The following SPAG8 variants were observed in gnomAD, a reference collection of about 807,000 sequenced individuals.
The protein encoded by SPAG8 is sperm associated antigen 8.
SPAG8 carries 36 observed loss-of-function variants against 45.3 expected under a neutral mutation model. The observed-to-expected ratio is 0.80, with a 90% CI of 0.61 to 1.05. SPAG8 has a LOEUF of 1.05. Among genes scored for constraint, SPAG8 ranks in the 50% least tolerant of loss-of-function variants. The pLI, the probability that SPAG8 is intolerant of heterozygous loss-of-function variation, is 0.00. For synonymous variants in SPAG8, 227 were observed against 232.6 expected (o/e 0.98, Z 0.22); for missense variants, 573 against 609.2 (o/e 0.94, Z 0.63).
chr9:35,809,001 T>C (rs952440700), downstream of SPAG8: 24 of 936,310 alleles, frequency 2.6e-5, no homozygotes, highest in South Asian at 1.4e-4. The surrounding 1 kb of genome is among the most constrained non-coding windows in gnomAD (Gnocchi z 4.1). Context: ...TAGATATGCA[T>C]TGGGAGGTTG....
In SPAG8 at chr9:35,810,328, A is replaced by G. The variant is rs1469630585; in HGVS notation, c.1201-19T>C. The G allele has an allele frequency of 6.2e-6, 10 of 1,613,608 alleles. No individual in the cohort carries two copies. Among genetic ancestry groups the G allele is most frequent in the Non-Finnish European group, 6.8e-6 (8 of 1,179,736 alleles). On this transcript the variant is annotated intron_variant, in intron 5 of 6. Coordinates refer to ENST00000396638, the MANE Select transcript of SPAG8 (RefSeq NM_001039592.2). ...CGTGAGGCTGTGAGGGAGGGTACTG[A>G]GTAACTCCTGGCCTTCAGCCCTCTC...
At position 35,810,534 on chromosome 9, in the gene SPAG8, G is replaced by A. The variant is rs888741357; in HGVS notation, c.1105C>T (p.Gln369Ter). 3 of 1,614,186 alleles carry A rather than the reference G, an allele frequency of 1.9e-6. No individual in the cohort carries two copies. Among genetic ancestry groups the A allele is most frequent in the Non-Finnish European group, 2.5e-6 (3 of 1,180,032 alleles). The change falls in exon 5 of 7, where the codon CAG becomes TAG. Residue 369 changes from glutamine (Q) to a stop codon, truncating the protein, a stop_gained. Coordinates refer to ENST00000396638, the MANE Select transcript of SPAG8 (RefSeq NM_001039592.2). LOFTEE classifies it high-confidence loss of function. ...HQICKEVQAE[Q>*]EPTRKLFEVE... ...TCGAAGAGCTTCCTTGTGGGTTCCT[G>A]TTCTGCCTGCACCTCTTTACTATGT...
Position 35,811,951 on chromosome 9 carries a change from G to A in SPAG8, c.95C>T (p.Pro32Leu), listed in dbSNP as rs778869383. 1.5e-5 allele frequency: 24 copies of A among 1,600,078 alleles called. No homozygotes were observed. Among genetic ancestry groups the A allele is most frequent in the Non-Finnish European group, 2.1e-5 (24 of 1,170,184 alleles). ...GGGACTGTCATCTGAAGAAGGAAAC[G>A]GTTCCGAAGTGGGCCCCAGTCCTTC... ...SSEGLGPTSE[P>L]FPSSDDSPRS... Residue 32 changes from proline (P) to leucine (L), a missense_variant, in exon 2 of 7, where the codon CCG (proline) becomes CTG (leucine). By Grantham distance (98) the Pro-to-Leu change is moderately conservative. Coordinates refer to ENST00000396638, the MANE Select transcript of SPAG8 (RefSeq NM_001039592.2).
downstream of SPAG8, chr9:35,808,479 AG>A (rs1828545288): frequency 1.9e-6 from 3 of 1,610,696 alleles, no homozygotes; most frequent in Admixed American, 3.3e-5. This position sits in a 1 kb window ranked among gnomAD's most constrained non-coding sequence, Gnocchi z 4.0. Flanking sequence ...ATATAAATAG[AG>A]GTGACCTTTT....
chr9:35,810,953 T>A lies in SPAG8; in HGVS notation c.969A>T (p.Ser323=), dbSNP rs1291857022. ...TCTGGGTGGTGCTGGAGGGCATGGG[T>A]GACTTTAGTTGCATAGTCAGCAGTC... ...HRGLLTMQLK[S]PMPSSTTQKD... is the part of the protein sequence containing the mutation. The change falls in exon 3 of 7, where the codon TCA becomes TCT. Residue 323 remains serine (S), a synonymous_variant. Coordinates refer to ENST00000396638, the MANE Select transcript of SPAG8 (RefSeq NM_001039592.2). 6.2e-7 allele frequency: 1 copy of A among 1,613,898 alleles called. No homozygotes were observed. The highest frequency in any genetic ancestry group is 1.3e-5 in the African/African-American group (1 of 74,860).
intron 2 of SPAG8, 39 bp downstream of exon 2, chr9:35,811,143 C>A: frequency 6.4e-7 from 1 of 1,557,302 alleles, no homozygotes. Flanking sequence ...AAACTGAGGG[C>A]AGCCTTCAAG....
chr9:35,809,602 C>A, downstream of SPAG8: 1 of 1,269,852 alleles, frequency 7.9e-7, no homozygotes, highest in Non-Finnish European at 1.1e-6. The surrounding 1 kb of genome is among the most constrained non-coding windows in gnomAD (Gnocchi z 4.1). Flanking sequence ...CCCTCTGCAG[C>A]TCAGCCCTGT....
chr9:35,810,386 C>T, intron 5 of SPAG8, 53 bp downstream of exon 5: 1 of 1,609,386 alleles, frequency 6.2e-7, no homozygotes. Context: ...TTGGCCACAG[C>T]CTGTCAGAGC....
In SPAG8 at chr9:35,811,793, C is replaced by G; in HGVS notation, c.253G>C (p.Glu85Gln). The G allele has an allele frequency of 6.2e-7, 1 of 1,614,140 alleles. No individual in the cohort carries two copies. Among genetic ancestry groups the G allele is most frequent in the East Asian group, 2.2e-5 (1 of 44,880 alleles). ...KTPAPCSEFMEPSSDPSLLGE... is the reference protein window; with the variant it reads ...KTPAPCSEFMQPSSDPSLLGE... Reference sequence around the variant, plus strand: ...AGAAGGCTGGGGTCAGAGGACGGCTCCATGAACTCAGAACAGGGCGCTGGG... The same window carrying G: ...AGAAGGCTGGGGTCAGAGGACGGCTGCATGAACTCAGAACAGGGCGCTGGG... The change falls in exon 2 of 7, where the codon GAG becomes CAG. Residue 85 changes from glutamate to glutamine, a missense_variant. By Grantham distance (29) the Glu-to-Gln change is conservative (BLOSUM62 2). Coordinates refer to ENST00000396638, the MANE Select transcript of SPAG8 (RefSeq NM_001039592.2).
rs1342946028 is a variant in SPAG8, at chr9:35,811,710, G to C, written c.336C>G (p.Gly112=). 1 of 1,614,246 alleles carries C rather than the reference G, an allele frequency of 6.2e-7. No individual in the cohort carries two copies. Among genetic ancestry groups the C allele is most frequent in the Non-Finnish European group, 8.5e-7 (1 of 1,180,040 alleles). The change falls in exon 2 of 7, where the codon GGC becomes GGG. Residue 112 remains glycine, a synonymous_variant. Coordinates refer to ENST00000396638, the MANE Select transcript of SPAG8 (RefSeq NM_001039592.2). ...TACAGGAAACATAGACGGGCTCAAA[G>C]CCAAGACTCCCATGGGCTATATTGT... The part of the protein sequence containing the change: ...FTHNIAHGSL[G]FEPVYVSCIA...
At position 35,810,926 on chromosome 9, in the gene SPAG8, T is replaced by C; in HGVS notation, c.996A>G (p.Lys332=). The stretch of plus-strand genomic sequence containing the variant: ...CGTTTCCTGGTGGCTGGTACGAGTC[T>C]TTCTGGGTGGTGCTGGAGGGCATGG... ...KSPMPSSTTQ[K]DSYQPPGNVY... Residue 332 remains lysine, a synonymous_variant, in exon 3 of 7, where the codon AAA becomes AAG. Coordinates refer to ENST00000396638, the MANE Select transcript of SPAG8 (RefSeq NM_001039592.2). 1 of 1,614,040 alleles carries C rather than the reference T, an allele frequency of 6.2e-7. No homozygotes were observed. The highest frequency in any genetic ancestry group is 8.5e-7 in the Non-Finnish European group (1 of 1,179,996).
At chr9:35,808,969 C>A, downstream of SPAG8, 1 of 936,870 alleles carries the variant, frequency 1.1e-6, no homozygotes, top group Non-Finnish European at 1.8e-6. The surrounding 1 kb of genome is among the most constrained non-coding windows in gnomAD (Gnocchi z 4.0). Flanking sequence ...GTGTCGCATC[C>A]TCGGGCATAT....
chr9:35,809,322 G>A, downstream of SPAG8: 2 of 1,611,068 alleles, frequency 1.2e-6, no homozygotes, highest in African/African-American at 1.3e-5. This position sits in a 1 kb window ranked among gnomAD's most constrained non-coding sequence, Gnocchi z 4.1. Context: ...GGGAAAGAGA[G>A]GGAGACAAAG....
chr9:35,808,295 A>G, downstream of SPAG8: 1 of 1,608,774 alleles, frequency 6.2e-7, no homozygotes, highest in South Asian at 1.1e-5. This position sits in a 1 kb window ranked among gnomAD's most constrained non-coding sequence, Gnocchi z 4.0. Flanking sequence ...TTTACTGAGT[A>G]TTCACCAGGT....
In SPAG8 at chr9:35,809,955, T is replaced by A. The variant is rs772546842; in HGVS notation, c.1441A>T (p.Arg481Ter). Residue 481 changes from arginine to a stop codon, truncating the protein, a stop_gained, in exon 7 of 7, where the codon AGA becomes TGA. Transcript: ENST00000396638. LOFTEE classifies it high-confidence loss of function. The surrounding 1 kb of genome is among the most constrained non-coding windows in gnomAD (Gnocchi z 4.1). ...PGGRLGGGGG[R>*]MTPF is the part of the protein sequence containing the mutation. Reference sequence around the variant, plus strand: ...CTCACCCCTCAGAAAGGAGTCATTCTCCCCCCTCCACCACCCAGCCTTCCT... The same window carrying A: ...CTCACCCCTCAGAAAGGAGTCATTCACCCCCCTCCACCACCCAGCCTTCCT... The A allele has an allele frequency of 3.8e-6, 6 of 1,580,818 alleles. No individual in the cohort carries two copies. In the East Asian group the frequency reaches 1.3e-4, roughly 35 times the overall value.
chr9:35,811,538 C>T lies in SPAG8; in HGVS notation c.508G>A (p.Gly170Ser). 1.2e-6 allele frequency: 2 copies of T among 1,606,938 alleles called. No individual in the cohort carries two copies. Among genetic ancestry groups the T allele is most frequent in the Non-Finnish European group, 1.7e-6 (2 of 1,175,894 alleles). ...GSGPGCGSVP[G>S]SGSGPGPGSG... ...CCAGGACCAGGACCAGAGCCAGAGC[C>T]AGGGACAGAGCCACAGCCAGGACCA... is the stretch of plus-strand genomic sequence containing the variant. The change falls in exon 2 of 7, where the codon GGC becomes AGC. Residue 170 changes from glycine to serine, a missense_variant. Physicochemically the swap from Gly to Ser is moderately conservative, Grantham distance 56. Transcript: ENST00000396638.
At chr9:35,808,835 A>AT (rs1159758536), downstream of SPAG8, 1 of 1,602,238 alleles carries the variant, frequency 6.2e-7, no homozygotes, top group South Asian at 1.1e-5. The surrounding 1 kb of genome is among the most constrained non-coding windows in gnomAD (Gnocchi z 4.0). Flanking sequence ...TGCTTCTCGA[A>AT]TGGAGTCTAA....
rs143351966 is a variant in SPAG8, at chr9:35,810,981, C to T, written c.941G>A (p.Arg314Gln). 64 of 1,614,028 alleles carry T rather than the reference C, an allele frequency of 4.0e-5. No individual in the cohort carries two copies. Among genetic ancestry groups the T allele is most frequent in the African/African-American group, 3.2e-4 (24 of 74,986 alleles). ...CTTTAGTTGCATAGTCAGCAGTCCC[C>T]GGTGTCCGTGTCGGAAGAAAAAACT... Reference protein sequence around the residue: ...SESFFFRHGHRGLLTMQLKSP... With the variant: ...SESFFFRHGHQGLLTMQLKSP... Residue 314 changes from arginine (R) to glutamine (Q), a missense_variant, in exon 3 of 7, where the codon CGG becomes CAG. Transcript: ENST00000396638.
chr9:35,808,794 G>A (rs1309870543), downstream of SPAG8: 2 of 1,613,686 alleles, frequency 1.2e-6, no homozygotes, highest in Non-Finnish European at 1.7e-6. The surrounding 1 kb of genome is among the most constrained non-coding windows in gnomAD (Gnocchi z 4.0). Context: ...AAGATGCCCC[G>A]TTATTGTCTT....
Sources: gnomAD v4.1 joint callset for allele counts on GRCh38, gnomAD v4.1.1 for gene constraint, Gnocchi (gnomAD v3.1) non-coding constraint, MANE v1.5 for transcripts, NCBI Gene and HGNC (gene_info 2026-07-23, HGNC 2026-07-21) for gene names.